Variants in TMEM72 observed in about 807,000 individuals in gnomAD.
TMEM72 encodes the protein kidney-specific secretory protein of 37 kDa.
In TMEM72, 9 loss-of-function variants were observed where a neutral mutation model predicts 16.3. The ratio of observed to expected loss-of-function variants is 0.55; its 90% CI spans 0.33 to 0.96. The LOEUF (loss-of-function observed/expected upper bound fraction) is 0.96, where lower values mean the gene tolerates loss of function less well. Among genes scored for constraint, TMEM72 ranks in the 40% least tolerant of loss-of-function variants. The pLI is 0.03. For synonymous variants in TMEM72, 160 were observed against 146.5 expected (o/e 1.09, Z -0.66); for missense variants, 324 against 337.8 (o/e 0.96, Z 0.32).
intron 4 of TMEM72, 67 bp from the exon 5 acceptor site, chr10:44,934,589 A>T: frequency 4.8e-6 from 7 of 1,450,370 alleles, no homozygotes; most frequent in Non-Finnish European, 6.5e-6. Flanking sequence ...GCTGCACGAC[A>T]TGCTTGCAAG....
rs777975478 is a variant in TMEM72 at position 44,935,744 on chromosome 10, G to A, written c.*610G>A. Reference sequence around the variant, plus strand: ...GGGCTGAGCTGCTCAGGAAAACAATGCCGCTCTGTGCTCACTGTGGGAAAG... The same window carrying A: ...GGGCTGAGCTGCTCAGGAAAACAATACCGCTCTGTGCTCACTGTGGGAAAG... On this transcript the variant is annotated 3_prime_UTR_variant, in exon 5 of 5. Transcript: ENST00000389583. 1 of 152,356 alleles carries A rather than the reference G, an allele frequency of 6.6e-6. No homozygotes were observed. Among genetic ancestry groups the A allele is most frequent in the Non-Finnish European group, 1.5e-5 (1 of 68,138 alleles). The allele number at this position is 152,356 out of a possible 1,614,324, so 9.4% of individuals were successfully genotyped here. A position where few individuals can be genotyped will look rare whatever the true frequency, so the allele number is the denominator to read the frequency against.
chr10:44,930,147 C>A (rs149807164), intron 2 of TMEM72, among the ~76,000 whole-genome samples: 102 of 152,286 alleles, frequency 6.7e-4, no homozygotes, highest in Non-Finnish European at 1.3e-3. Context: ...TCCAGTCCAG[C>A]CTGGGGTCCC....
At chr10:44,912,261 G>A (rs1299166309) in intron 1 of TMEM72, among the ~76,000 whole-genome samples, 5 of 152,206 alleles carry the variant, frequency 3.3e-5, no homozygotes, top group Non-Finnish European at 5.9e-5. Context: ...CAACTGGACA[G>A]GAGGGCAGAC....
chr10:44,933,571 A>G, intron 3 of TMEM72, 66 bp from the exon 4 acceptor site: 1 of 1,561,344 alleles, frequency 6.4e-7, no homozygotes, highest in East Asian at 2.3e-5. Flanking sequence ...CCCAGACTCC[A>G]TGGCATCCAG....
intron 2 of TMEM72, among the ~76,000 whole-genome samples, chr10:44,930,639 T>G (rs1288052936): frequency 6.6e-6 from 1 of 152,050 alleles, no homozygotes; most frequent in Non-Finnish European, 1.5e-5. Flanking sequence ...AACCAAGGGG[T>G]AAGAGTTAGG....
At position 44,916,242 on chromosome 10, in the gene TMEM72, G is replaced by T. The variant is rs548273486; in HGVS notation, c.70+4660G>T. 2.3e-4 allele frequency among the ~76,000 whole-genome samples: 35 copies of T among 152,270 alleles called. No homozygotes were observed. The Middle Eastern group carries it at 0.01, about 44-fold the overall frequency. ...AGTGAACTCTGCTTGTCAGGCTGAC[G>T]TGCTGTTTCTCACAAATTGAGTGCT... On this transcript the variant is annotated intron_variant, in intron 1 of 4. Transcript: ENST00000389583.
intron 1 of TMEM72, among the ~76,000 whole-genome samples, chr10:44,913,926 C>T (rs1839975744): frequency 6.6e-6 from 1 of 152,176 alleles, no homozygotes; most frequent in Admixed American, 6.5e-5. Context: ...GTGTGGATTT[C>T]TTAAAAGCTA....
intron 1 of TMEM72, among the ~76,000 whole-genome samples, chr10:44,915,347 C>T (rs763615235): frequency 5.9e-5 from 9 of 151,588 alleles, no homozygotes; most frequent in Non-Finnish European, 1.0e-4. Context: ...AATGCAGTAT[C>T]GCATTTCATC....
At chr10:44,918,942 C>A (rs149271255) in intron 1 of TMEM72, among the ~76,000 whole-genome samples, 23 of 151,600 alleles carry the variant, frequency 1.5e-4, no homozygotes, top group Non-Finnish European at 2.9e-4. Flanking sequence ...CATTTCCCAG[C>A]CTCCAGCACT....
At chr10:44,927,781 C>T (rs1181734862) in intron 1 of TMEM72, 140 bp from the exon 2 acceptor site, 11 of 754,012 alleles carry the variant, frequency 1.5e-5, no homozygotes, top group Non-Finnish European at 2.1e-5. Context: ...GTCACAGCTG[C>T]CTGTATCATG....
chr10:44,927,251 C>T (rs1400296223), intron 1 of TMEM72, among the ~76,000 whole-genome samples: 1 of 152,114 alleles, frequency 6.6e-6, no homozygotes, highest in Non-Finnish European at 1.5e-5. Flanking sequence ...TGGGAGCCAG[C>T]AAATCCTTGT....
chr10:44,933,919 A>G, intron 4 of TMEM72, 143 bp downstream of exon 4: 2 of 1,067,056 alleles, frequency 1.9e-6, no homozygotes, highest in Non-Finnish European at 2.6e-6. Context: ...GAGGGTGGAC[A>G]TGAGGAATCA....
chr10:44,921,283 G>A (rs1377000131), intron 1 of TMEM72, among the ~76,000 whole-genome samples: 1 of 152,166 alleles, frequency 6.6e-6, no homozygotes, highest in East Asian at 1.9e-4. Context: ...TGGGCATAAG[G>A]TACCTCTGTT....
intron 1 of TMEM72, among the ~76,000 whole-genome samples, chr10:44,916,055 C>A (rs1331697125): frequency 1.3e-5 from 2 of 152,134 alleles, no homozygotes; most frequent in Non-Finnish European, 2.9e-5. Context: ...AACTGAAGCT[C>A]AGAACATTGA....
chr10:44,935,067 C>T lies in TMEM72; in HGVS notation c.761C>T (p.Thr254Ile), dbSNP rs1347895863. 9.3e-6 allele frequency: 15 copies of T among 1,613,588 alleles called. No individual in the cohort carries two copies. The highest frequency in any genetic ancestry group is 1.1e-5 in the Non-Finnish European group (13 of 1,179,818). ...SEPEETTSDT[T>I]PIIPPPQAPL... Reference sequence around the variant, plus strand: ...CCAGAGGAGACCACCTCTGACACGACACCCATCATTCCCCCTCCCCAGGCC... The same window carrying T: ...CCAGAGGAGACCACCTCTGACACGATACCCATCATTCCCCCTCCCCAGGCC... Residue 254 changes from threonine to isoleucine, a missense_variant, in exon 5 of 5, where the codon ACA (threonine) becomes ATA (isoleucine). By Grantham distance (89) the Thr-to-Ile change is moderately conservative. Transcript: ENST00000389583.
At chr10:44,921,839 AC>A (rs1432364554) in intron 1 of TMEM72, among the ~76,000 whole-genome samples, 4 of 152,364 alleles carry the variant, frequency 2.6e-5, no homozygotes, top group Admixed American at 2.6e-4. Flanking sequence ...CTCAGGGCCC[AC>A]GAAGGGCCTA....
intron 1 of TMEM72, among the ~76,000 whole-genome samples, chr10:44,922,765 A>C (rs927042807): frequency 1.3e-5 from 2 of 152,244 alleles, no homozygotes; most frequent in African/African-American, 2.4e-5. Context: ...ACCCAGTGGA[A>C]GTCCCCAGAC....
chr10:44,920,157 C>T (rs961496920), intron 1 of TMEM72: 1 of 152,156 alleles, frequency 6.6e-6, no homozygotes, highest in Non-Finnish European at 1.5e-5. Flanking sequence ...CGGAGGCTGC[C>T]CTCAGCAACA....
chr10:44,913,705 G>A (rs867329660), intron 1 of TMEM72, among the ~76,000 whole-genome samples: 5 of 152,296 alleles, frequency 3.3e-5, no homozygotes, highest in South Asian at 2.1e-4. Context: ...TGGTGTTCTT[G>A]GGCAAATCTC....
Sources: gnomAD v4.1 joint callset for allele counts (sites outside exome capture counted in the v4.1 genomes callset) on GRCh38, gnomAD v4.1.1 for gene constraint, MANE v1.5 for transcripts, NCBI Gene and HGNC (gene_info 2026-07-23, HGNC 2026-07-21) for gene names.